The following MXI1 variants were observed in gnomAD, a reference collection of about 807,000 sequenced individuals.
MXI1 encodes MAX interactor 1, dimerization protein.
MXI1 carries 18 observed loss-of-function variants against 36.9 expected under a neutral mutation model. The observed-to-expected ratio is 0.49, with a 90% CI of 0.34 to 0.72. The LOEUF (loss-of-function observed/expected upper bound fraction) is 0.72. Ranked by LOEUF, MXI1 falls within the 30% of genes least tolerant of loss-of-function variation. The probability of loss-of-function intolerance (pLI) is 0.01; values close to 1 mark genes in which losing one functional copy is unlikely to be tolerated. For synonymous variants in MXI1, 160 were observed against 146.7 expected (o/e 1.09, Z -0.65); for missense variants, 304 against 379.1 (o/e 0.80, Z 1.64).
chr10:110,232,125 T>G (rs79100336), intron 2 of MXI1, among the ~76,000 whole-genome samples: 1 of 152,094 alleles, frequency 6.6e-6, no homozygotes, highest in Non-Finnish European at 1.5e-5. Context: ...CATGCCCGGC[T>G]AATTTTTTGT....
intron 3 of MXI1, among the ~76,000 whole-genome samples, chr10:110,261,806 A>G (rs1025625226): frequency 3.9e-5 from 6 of 152,076 alleles, no homozygotes; most frequent in Non-Finnish European, 8.8e-5. Flanking sequence ...CAGATTGACT[A>G]TATACTCCCC....
At chr10:110,259,576 A>G (rs1353549754) in intron 3 of MXI1, among the ~76,000 whole-genome samples, 2 of 152,130 alleles carry the variant, frequency 1.3e-5, no homozygotes, top group Non-Finnish European at 2.9e-5. Context: ...CTATTCTGGT[A>G]CAAATTTTGG....
At chr10:110,242,497 G>A (rs1178565236) in intron 2 of MXI1, among the ~76,000 whole-genome samples, 1 of 151,942 alleles carries the variant, frequency 6.6e-6, no homozygotes, top group East Asian at 1.9e-4. Flanking sequence ...GTATATTTAT[G>A]ATCATTTTTG....
intron 3 of MXI1, among the ~76,000 whole-genome samples, chr10:110,278,639 T>A (rs1590408320): frequency 6.6e-6 from 1 of 152,068 alleles, no homozygotes; most frequent in Non-Finnish European, 1.5e-5. Context: ...TTTCATGTGG[T>A]TCAAACTAAT....
chr10:110,223,031 A>G (rs1245532070), intron 1 of MXI1, among the ~76,000 whole-genome samples: 2 of 152,192 alleles, frequency 1.3e-5, no homozygotes, highest in Admixed American at 6.5e-5. Context: ...CCCTTCTTCA[A>G]TGCAGGTGGC....
chr10:110,230,133 G>A (rs1855207255), intron 2 of MXI1, among the ~76,000 whole-genome samples: 1 of 152,156 alleles, frequency 6.6e-6, no homozygotes, highest in African/African-American at 2.4e-5. Flanking sequence ...CATTGCAGAT[G>A]TGACATTTTT....
intron 1 of MXI1, among the ~76,000 whole-genome samples, chr10:110,217,517 C>T (rs575952230): frequency 6.6e-6 from 1 of 152,134 alleles, no homozygotes; most frequent in Non-Finnish European, 1.5e-5. Context: ...CCTGTGTTAT[C>T]TTCCTCTTAC....
chr10:110,268,050 T>C (rs1296215384), intron 3 of MXI1, among the ~76,000 whole-genome samples: 2 of 152,202 alleles, frequency 1.3e-5, no homozygotes, highest in Non-Finnish European at 2.9e-5. Context: ...CTGGCTTCTT[T>C]AGTTGGAGTA....
chr10:110,266,906 A>C (rs1188294232), intron 3 of MXI1, among the ~76,000 whole-genome samples: 1 of 152,188 alleles, frequency 6.6e-6, no homozygotes. Flanking sequence ...ACTAAGATTG[A>C]TAGGGGATTT....
chr10:110,283,114 C>T (rs905979114), intron 5 of MXI1, among the ~76,000 whole-genome samples: 4 of 152,092 alleles, frequency 2.6e-5, no homozygotes, highest in African/African-American at 4.8e-5. Context: ...GGATATAGAG[C>T]CAATATATGA....
intron 3 of MXI1, among the ~76,000 whole-genome samples, chr10:110,262,488 C>T (rs941733174): frequency 2.6e-5 from 4 of 152,028 alleles, no homozygotes; most frequent in Admixed American, 1.3e-4. Context: ...GATGGATACA[C>T]TTTTGTTACT....
chr10:110,267,380 G>T (rs1379655311), intron 3 of MXI1, among the ~76,000 whole-genome samples: 2 of 152,164 alleles, frequency 1.3e-5, no homozygotes, highest in Non-Finnish European at 2.9e-5. Flanking sequence ...AGCCATCATA[G>T]TTTTTTCTGA....
At chr10:110,240,314 A>G (rs1049165101) in intron 2 of MXI1, among the ~76,000 whole-genome samples, 4 of 152,050 alleles carry the variant, frequency 2.6e-5, no homozygotes, top group African/African-American at 7.2e-5. Context: ...GTATACATAT[A>G]TCCAGCTTTG....
intron 1 of MXI1, among the ~76,000 whole-genome samples, chr10:110,223,463 C>T (rs1299208403): frequency 6.6e-6 from 1 of 151,924 alleles, no homozygotes; most frequent in East Asian, 1.9e-4. Context: ...CGCCTGTAAC[C>T]CCAGCTACTT....
chr10:110,235,390 TA>T (rs1272940806), intron 2 of MXI1, among the ~76,000 whole-genome samples: 1 of 151,860 alleles, frequency 6.6e-6, no homozygotes, highest in Non-Finnish European at 1.5e-5. Flanking sequence ...GTTTATTAGT[TA>T]AAAAAAATAA....
At chr10:110,208,174 C>T (rs567059969) in intron 1 of MXI1, 92 bp downstream of exon 1, 39 of 1,350,890 alleles carry the variant, frequency 2.9e-5, no homozygotes, top group South Asian at 1.3e-4. Context: ...GCCCGTCCCC[C>T]CCCCGCCCAA....
chr10:110,241,330 A>G (rs1437403068), intron 2 of MXI1, among the ~76,000 whole-genome samples: 1 of 152,008 alleles, frequency 6.6e-6, no homozygotes, highest in Admixed American at 6.6e-5. Flanking sequence ...TGGGAGAAGA[A>G]AAGTGGGCTA....
At chr10:110,226,235 G>C in intron 1 of MXI1, 6 of 1,498,898 alleles carry the variant, frequency 4.0e-6, no homozygotes, top group Non-Finnish European at 5.3e-6. Context: ...GATGATCAAC[G>C]TGCAGCGTCT....
At chr10:110,227,581 G>A in intron 1 of MXI1, 1 of 978,564 alleles carries the variant, frequency 1.0e-6, no homozygotes, top group African/African-American at 1.8e-5. Flanking sequence ...ACGGATGCTG[G>A]GGGGGGTCAG....
Sources: gnomAD v4.1 joint callset for allele counts (sites outside exome capture counted in the v4.1 genomes callset) on GRCh38, gnomAD v4.1.1 for gene constraint, MANE v1.5 for transcripts, NCBI Gene and HGNC (gene_info 2026-07-23, HGNC 2026-07-21) for gene names.